The following CDH13 variants were observed in gnomAD, a reference collection of about 807,000 sequenced individuals.
CDH13 encodes the protein cadherin-13.
Under a neutral mutation model 63.8 loss-of-function variants are expected in CDH13, and 24 were observed. The ratio of observed to expected loss-of-function variants is 0.38; its 90% CI spans 0.27 to 0.53. The LOEUF is 0.53. Among genes scored for constraint, CDH13 ranks in the 20% least tolerant of loss-of-function variants. The pLI, the probability that CDH13 is intolerant of heterozygous loss-of-function variation, is 0.85. For missense variants in CDH13, 1,049 were observed against 903.1 expected, an observed-to-expected ratio of 1.16 and a Z score of -2.07; for synonymous variants, 503 against 355.3, an observed-to-expected ratio of 1.42 and a Z score of -4.67.
intron 4 of CDH13, among the ~76,000 whole-genome samples, chr16:83,173,652 T>G (rs563110174): frequency 1.3e-5 from 2 of 152,188 alleles, no homozygotes; most frequent in Non-Finnish European, 2.9e-5. Flanking sequence ...TAGGGCGTTC[T>G]GTATTTTTAT....
At chr16:82,905,216 T>A (rs898122536) in intron 2 of CDH13, among the ~76,000 whole-genome samples, 2 of 152,168 alleles carry the variant, frequency 1.3e-5, no homozygotes, top group Non-Finnish European at 2.9e-5. Context: ...ATTATATGGA[T>A]CATCTCTCTC....
At chr16:83,766,414 A>G (rs1914390729) in intron 11 of CDH13, among the ~76,000 whole-genome samples, 1 of 152,220 alleles carries the variant, frequency 6.6e-6, no homozygotes, top group Non-Finnish European at 1.5e-5. Context: ...CTTGTGCATC[A>G]ACCTAAGAAT....
chr16:83,709,898 T>C (rs961266407), intron 10 of CDH13, among the ~76,000 whole-genome samples: 3 of 152,222 alleles, frequency 2.0e-5, no homozygotes, highest in Admixed American at 6.5e-5. Flanking sequence ...TCTCTAGTCA[T>C]TGGATTTGTA....
Position 83,549,478 on chromosome 16 carries a change from C to T in CDH13, c.961-52976C>T, listed in dbSNP as rs569977513. On this transcript the variant is annotated intron_variant, in intron 7 of 13. Coordinates refer to ENST00000567109, the MANE Select transcript of CDH13 (RefSeq NM_001257.5). Reference sequence around the variant, plus strand: ...ATGTGAGCCTCAGGCTGCCTGCTGCCGGTTGCAGGCTGCCATATGCTTCAC... The same window carrying T: ...ATGTGAGCCTCAGGCTGCCTGCTGCTGGTTGCAGGCTGCCATATGCTTCAC... Among the ~76,000 whole-genome samples the T allele has an allele frequency of 4.6e-5, 7 of 152,204 alleles. No individual in the cohort carries two copies. In the East Asian group the frequency reaches 9.7e-4, roughly 21 times the overall value.
intron 2 of CDH13, among the ~76,000 whole-genome samples, chr16:82,942,219 G>A (rs1037710846): frequency 1.3e-5 from 2 of 152,092 alleles, no homozygotes; most frequent in African/African-American, 2.4e-5. Flanking sequence ...TATGGTGTGA[G>A]GTAGAGGTCA....
At chr16:83,320,151 C>T (rs1597737233) in intron 5 of CDH13, among the ~76,000 whole-genome samples, 1 of 152,158 alleles carries the variant, frequency 6.6e-6, no homozygotes, top group South Asian at 2.1e-4. Flanking sequence ...GTGATCCTTG[C>T]ATCTCAACCT....
chr16:83,553,078 CAAAA>C (rs55928810), intron 7 of CDH13, among the ~76,000 whole-genome samples: 4 of 134,306 alleles, frequency 3.0e-5, no homozygotes, highest in Non-Finnish European at 3.2e-5. Flanking sequence ...GACTCCATCT[CAAAA>C]AAAAAAAAAA....
intron 10 of CDH13, among the ~76,000 whole-genome samples, chr16:83,680,004 A>G (rs1915275441): frequency 6.6e-6 from 1 of 152,214 alleles, no homozygotes; most frequent in Non-Finnish European, 1.5e-5. Context: ...GAGGAAGGTC[A>G]GGCTGGGTTG....
intron 6 of CDH13, among the ~76,000 whole-genome samples, chr16:83,449,987 A>C (rs146761117): frequency 6.6e-6 from 1 of 152,172 alleles, no homozygotes; most frequent in African/African-American, 2.4e-5. Flanking sequence ...CTTCGCTAGC[A>C]GGGCAGAGGC....
chr16:83,679,177 A>G (rs1239154383), intron 10 of CDH13, among the ~76,000 whole-genome samples: 1 of 152,176 alleles, frequency 6.6e-6, no homozygotes, highest in Non-Finnish European at 1.5e-5. Flanking sequence ...GCATTTTCGT[A>G]ATGAGATTTA....
At chr16:83,483,397 AC>A (rs2151558491) in intron 6 of CDH13, among the ~76,000 whole-genome samples, 1 of 152,312 alleles carries the variant, frequency 6.6e-6, no homozygotes, top group South Asian at 2.1e-4. Flanking sequence ...ATGTTATCCA[AC>A]CTGTAAACAA....
At chr16:83,410,169 C>T (rs1351198700) in intron 6 of CDH13, among the ~76,000 whole-genome samples, 1 of 152,138 alleles carries the variant, frequency 6.6e-6, no homozygotes, top group African/African-American at 2.4e-5. Flanking sequence ...TGAAGTGAAG[C>T]ACCAAGATGC....
chr16:82,996,443 C>T (rs1371789436), intron 2 of CDH13, among the ~76,000 whole-genome samples: 1 of 152,122 alleles, frequency 6.6e-6, no homozygotes, highest in African/African-American at 2.4e-5. Flanking sequence ...CAGGACCCAG[C>T]ATGGTCCTGC....
At chr16:83,570,253 C>T (rs1904450349) in intron 7 of CDH13, among the ~76,000 whole-genome samples, 1 of 152,094 alleles carries the variant, frequency 6.6e-6, no homozygotes, top group Non-Finnish European at 1.5e-5. Context: ...ATCCACTTAC[C>T]TTGGTGGCCA....
chr16:83,275,007 A>G (rs984194851), intron 5 of CDH13, among the ~76,000 whole-genome samples: 5 of 152,110 alleles, frequency 3.3e-5, no homozygotes, highest in Non-Finnish European at 5.9e-5. Context: ...GGCACTCCCT[A>G]TAGACACATG....
At chr16:82,804,523 C>G (rs566348106) in intron 1 of CDH13, among the ~76,000 whole-genome samples, 86 of 152,120 alleles carry the variant, frequency 5.7e-4, no homozygotes, top group South Asian at 2.1e-3. Context: ...CTTTCATATC[C>G]TCAGGTCATC....
At chr16:83,072,818 CAG>C (rs1335798765) in intron 3 of CDH13, among the ~76,000 whole-genome samples, 1 of 152,160 alleles carries the variant, frequency 6.6e-6, no homozygotes, top group Non-Finnish European at 1.5e-5. Flanking sequence ...TCTACTGAAT[CAG>C]AGTCTGTATT....
chr16:83,575,547 C>T (rs1017910982), intron 7 of CDH13, among the ~76,000 whole-genome samples: 2 of 152,178 alleles, frequency 1.3e-5, no homozygotes, highest in East Asian at 1.9e-4. Flanking sequence ...CCCTCCAGCC[C>T]GGGGGTTTCC....
At chr16:83,178,104 G>A (rs544853019) in intron 4 of CDH13, among the ~76,000 whole-genome samples, 7 of 152,266 alleles carry the variant, frequency 4.6e-5, no homozygotes, top group African/African-American at 1.7e-4. Context: ...TCGGTCCACT[G>A]AAAAGCCCTG....
Sources: gnomAD v4.1 joint callset for allele counts (sites outside exome capture counted in the v4.1 genomes callset) on GRCh38, gnomAD v4.1.1 for gene constraint, MANE v1.5 for transcripts, NCBI Gene and HGNC (gene_info 2026-07-23, HGNC 2026-07-21) for gene names.